Variants in TCAP observed in about 807,000 individuals in gnomAD.
TCAP encodes telethonin.
In TCAP, 14 loss-of-function variants were observed where a neutral mutation model predicts 16.6. The observed-to-expected ratio is 0.84, with a 90% CI of 0.56 to 1.32. The LOEUF is 1.32. TCAP is among the 40% of genes most tolerant of loss of function. The pLI is 0.00. For synonymous variants in TCAP, 97 were observed against 93.2 expected (o/e 1.04, Z -0.23); for missense variants, 212 against 223.5 (o/e 0.95, Z 0.33).
At position 39,666,015 on chromosome 17, in the gene TCAP, C is replaced by A. The variant is rs773317399; in HGVS notation, c.410C>A (p.Thr137Lys). The A allele has an allele frequency of 5.0e-6, 8 of 1,611,680 alleles. No individual in the cohort carries two copies. The South Asian group carries it at 8.8e-5, about 18-fold the overall frequency. ...CVDRQEVAEITKQLPPVVPVS... is the reference protein window; with the variant it reads ...CVDRQEVAEIKKQLPPVVPVS... ...GACCGCCAGGAGGTGGCTGAGATCA[C>A]AAAGCAGCTGCCCCCTGTGGTGCCT... Residue 137 changes from threonine (T) to lysine (K), a missense_variant, in exon 2 of 2, where the codon ACA becomes AAA. By Grantham distance (78) the Thr-to-Lys change is moderately conservative. Coordinates refer to ENST00000309889, the MANE Select transcript of TCAP (RefSeq NM_003673.4).
chr17:39,665,542 T>C (rs2057248303), intron 1 of TCAP, 73 bp downstream of exon 1: 3 of 1,521,864 alleles, frequency 2.0e-6, no homozygotes, highest in Non-Finnish European at 2.7e-6. Flanking sequence ...GGCCAGAGCA[T>C]GAAGCCCTGG....
At position 39,666,266 on chromosome 17, in the gene TCAP, C is replaced by T; in HGVS notation, c.*157C>T. 9.9e-7 allele frequency: 1 copy of T among 1,013,614 alleles called. No individual in the cohort carries two copies. Among genetic ancestry groups the T allele is most frequent in the Non-Finnish European group, 1.5e-6 (1 of 681,214 alleles). The allele number at this position is 1,013,614 out of a possible 1,614,324, so 62.8% of individuals were successfully genotyped here. A position where few individuals can be genotyped will look rare whatever the true frequency, so the allele number is the denominator to read the frequency against. The stretch of plus-strand genomic sequence containing the variant: ...CCAGAGGCCAGGATGCCTGAGCCCC[C>T]TGAGTTCCCAAAGGGAGGGTGGCAG... On this transcript the variant is annotated 3_prime_UTR_variant, in exon 2 of 2. Transcript: ENST00000309889.
Position 39,665,828 on chromosome 17 carries a change from G to T in TCAP, c.223G>T (p.Gly75Cys). The T allele has an allele frequency of 1.2e-6, 2 of 1,607,382 alleles. No individual in the cohort carries two copies. Among genetic ancestry groups the T allele is most frequent in the Non-Finnish European group, 8.5e-7 (1 of 1,176,980 alleles). Residue 75 changes from glycine to cysteine, a missense_variant, in exon 2 of 2, where the codon GGC (glycine) becomes TGC (cysteine). Transcript: ENST00000309889. ...GCTGATGATGCGGATGGGCATCCTCGGCCGTGGGCTGCAGGAGTACCAGCT... is the reference window on the plus strand; with the variant it reads ...GCTGATGATGCGGATGGGCATCCTCTGCCGTGGGCTGCAGGAGTACCAGCT... ...PWLMMRMGIL[G>C]RGLQEYQLPY...
rs2145075199 is a variant in TCAP, at chr17:39,666,114, G to A, written c.*5G>A. ...CAGGAAGCACAGAGAGGCTGAGAGGGACTGTGACTTGGGCTCCGCTGTGCC... is the reference window on the plus strand; with the variant it reads ...CAGGAAGCACAGAGAGGCTGAGAGGAACTGTGACTTGGGCTCCGCTGTGCC... On this transcript the variant is annotated 3_prime_UTR_variant, in exon 2 of 2. Coordinates refer to ENST00000309889, the MANE Select transcript of TCAP (RefSeq NM_003673.4). The A allele has an allele frequency of 1.3e-6, 2 of 1,599,472 alleles. No homozygotes were observed. Among genetic ancestry groups the A allele is most frequent in the South Asian group, 2.2e-5 (2 of 91,086 alleles).
Position 39,666,090 on chromosome 17 carries a change from A to G in TCAP, c.485A>G (p.Gln162Arg), listed in dbSNP as rs2145075036. The G allele has an allele frequency of 6.2e-7, 1 of 1,601,044 alleles. No individual in the cohort carries two copies. The highest frequency in any genetic ancestry group is 1.1e-5 in the South Asian group (1 of 91,086). Residue 162 changes from glutamine (Q) to arginine (R), a missense_variant, in exon 2 of 2, where the codon CAG becomes CGG. Gln to Arg is a conservative substitution (Grantham distance 43). Transcript: ENST00000309889. ...CGCTCCCTGTCCCGCTCCATGTCCC[A>G]GGAAGCACAGAGAGGCTGAGAGGGA... ...LRRSLSRSMS[Q>R]EAQRG
chr17:39,665,526 C>T, intron 1 of TCAP, 57 bp downstream of exon 1: 1 of 1,548,962 alleles, frequency 6.5e-7, no homozygotes, highest in Non-Finnish European at 8.9e-7. Flanking sequence ...CCTCACTGAG[C>T]CATGAGGCCA....
rs886043427 is a variant in TCAP, at chr17:39,665,723, C to T, written c.118C>T (p.Leu40=). The T allele has an allele frequency of 1.2e-6, 2 of 1,610,210 alleles. No individual in the cohort carries two copies. Among genetic ancestry groups the T allele is most frequent in the Admixed American group, 3.3e-5 (2 of 59,718 alleles). Reference sequence around the variant, plus strand: ...CCCCTCCCCTCTCCCCAGCTGCTCCCTGCATGAGGAGGACACCCAGAGACA... The same window carrying T: ...CCCCTCCCCTCTCCCCAGCTGCTCCTTGCATGAGGAGGACACCCAGAGACA... ...LSTRPEEGCS[L]HEEDTQRHET... Residue 40 remains leucine (L), a synonymous_variant, in exon 2 of 2, where the codon CTG becomes TTG. Coordinates refer to ENST00000309889, the MANE Select transcript of TCAP (RefSeq NM_003673.4).
At position 39,666,266 on chromosome 17, in the gene TCAP, CT is replaced by C; in HGVS notation, c.*158del. Reference sequence around the variant, plus strand: ...CCAGAGGCCAGGATGCCTGAGCCCCCTGAGTTCCCAAAGGGAGGGTGGCAGA... The same window carrying C: ...CCAGAGGCCAGGATGCCTGAGCCCCCGAGTTCCCAAAGGGAGGGTGGCAGA... On this transcript the variant is annotated 3_prime_UTR_variant, in exon 2 of 2. Coordinates refer to ENST00000309889, the MANE Select transcript of TCAP (RefSeq NM_003673.4). 9.9e-7 allele frequency: 1 copy of C among 1,013,614 alleles called. No individual in the cohort carries two copies. The highest frequency in any genetic ancestry group is 1.5e-6 in the Non-Finnish European group (1 of 681,214). The allele number at this position is 1,013,614 out of a possible 1,614,324, so 62.8% of individuals were successfully genotyped here. A position where few individuals can be genotyped will look rare whatever the true frequency, so the allele number is the denominator to read the frequency against.
chr17:39,666,212 C>T lies in TCAP; in HGVS notation c.*103C>T, dbSNP rs1275732768. 3 of 1,510,678 alleles carry T rather than the reference C, an allele frequency of 2.0e-6. No individual in the cohort carries two copies. In the African/African-American group the frequency reaches 4.1e-5, roughly 21 times the overall value. The allele number at this position is 1,510,678 out of a possible 1,614,324, so 93.6% of individuals were successfully genotyped here. A position where few individuals can be genotyped will look rare whatever the true frequency, so the allele number is the denominator to read the frequency against. On this transcript the variant is annotated 3_prime_UTR_variant, in exon 2 of 2. Coordinates refer to ENST00000309889, the MANE Select transcript of TCAP (RefSeq NM_003673.4). ...TGGCCATGGCTGCTTTGTAGTTTGC[C>T]CAGAGTTGGGGGCTAGGGGAGGGGG...
chr17:39,665,990 G>T lies in TCAP; in HGVS notation c.385G>T (p.Asp129Tyr), dbSNP rs2145074243. The T allele has an allele frequency of 6.2e-7, 1 of 1,612,692 alleles. No individual in the cohort carries two copies. The change falls in exon 2 of 2, where the codon GAC becomes TAC. Residue 129 changes from aspartate (D) to tyrosine (Y), a missense_variant. Coordinates refer to ENST00000309889, the MANE Select transcript of TCAP (RefSeq NM_003673.4). ...LETALGGQCV[D>Y]RQEVAEITKQ... ...GACAGCCCTGGGTGGCCAGTGTGTG[G>T]ACCGCCAGGAGGTGGCTGAGATCAC...
rs2145073640 is a variant in TCAP, at chr17:39,665,848, C to T, written c.243C>T (p.Tyr81=). The stretch of plus-strand genomic sequence containing the variant: ...TCCTCGGCCGTGGGCTGCAGGAGTA[C>T]CAGCTGCCCTACCAGCGGGTACTGC... ...MGILGRGLQE[Y]QLPYQRVLPL... The change falls in exon 2 of 2, where the codon TAC becomes TAT. Residue 81 remains tyrosine (Y), a synonymous_variant. Transcript: ENST00000309889. The T allele has an allele frequency of 6.2e-7, 1 of 1,610,032 alleles. No homozygotes were observed. The highest frequency in any genetic ancestry group is 1.3e-5 in the African/African-American group (1 of 75,006).
intron 1 of TCAP, 116 bp downstream of exon 1, chr17:39,665,585 C>T (rs2057248562): frequency 1.4e-6 from 2 of 1,395,970 alleles, no homozygotes; most frequent in Non-Finnish European, 2.0e-6. Flanking sequence ...AGGAAGAATG[C>T]CCCATGGGGA....
In TCAP at chr17:39,665,410, C is replaced by T. The variant is rs1191028742; in HGVS notation, c.51C>T (p.Arg17=). 7 of 1,613,742 alleles carry T rather than the reference C, an allele frequency of 4.3e-6. No homozygotes were observed. Among genetic ancestry groups the T allele is most frequent in the Admixed American group, 1.7e-5 (1 of 60,018 alleles). Residue 17 remains arginine (R), a synonymous_variant, in exon 1 of 2, where the codon CGC becomes CGT. Coordinates refer to ENST00000309889, the MANE Select transcript of TCAP (RefSeq NM_003673.4). ...SCEVSEENCE[R]REAFWAEWKD... The stretch of plus-strand genomic sequence containing the variant: ...AGGTGTCGGAGGAGAACTGTGAGCG[C>T]CGGGAGGCCTTCTGGGCAGAATGGA...
At position 39,665,764 on chromosome 17, in the gene TCAP, G is replaced by T; in HGVS notation, c.159G>T (p.Gln53His). Residue 53 changes from glutamine to histidine, a missense_variant, in exon 2 of 2, where the codon CAG (glutamine) becomes CAT (histidine). Coordinates refer to ENST00000309889, the MANE Select transcript of TCAP (RefSeq NM_003673.4). ...CCCAGAGACATGAGACCTACCACCAGCAGGGGCAGTGCCAGGTGCTGGTGC... is the reference window on the plus strand; with the variant it reads ...CCCAGAGACATGAGACCTACCACCATCAGGGGCAGTGCCAGGTGCTGGTGC... The part of the protein sequence containing the change: ...EDTQRHETYH[Q>H]QGQCQVLVQR... 6.2e-7 allele frequency: 1 copy of T among 1,610,594 alleles called. No homozygotes were observed.
chr17:39,665,528 A>T (rs1232337114), intron 1 of TCAP, 59 bp downstream of exon 1: 2 of 1,539,262 alleles, frequency 1.3e-6, no homozygotes, highest in East Asian at 2.3e-5. Context: ...TCACTGAGCC[A>T]TGAGGCCAGA....
rs1324156287 is a variant in TCAP, at chr17:39,665,991, A to C, written c.386A>C (p.Asp129Ala). 5 of 1,612,584 alleles carry C rather than the reference A, an allele frequency of 3.1e-6. No individual in the cohort carries two copies. The highest frequency in any genetic ancestry group is 4.2e-6 in the Non-Finnish European group (5 of 1,179,930). The change falls in exon 2 of 2, where the codon GAC becomes GCC. Residue 129 changes from aspartate to alanine, a missense_variant. By Grantham distance (126) the Asp-to-Ala change is moderately radical. Coordinates refer to ENST00000309889, the MANE Select transcript of TCAP (RefSeq NM_003673.4). ...LETALGGQCVDRQEVAEITKQ... is the reference protein window; with the variant it reads ...LETALGGQCVARQEVAEITKQ... Reference sequence around the variant, plus strand: ...ACAGCCCTGGGTGGCCAGTGTGTGGACCGCCAGGAGGTGGCTGAGATCACA... The same window carrying C: ...ACAGCCCTGGGTGGCCAGTGTGTGGCCCGCCAGGAGGTGGCTGAGATCACA...
chr17:39,666,032 G>T lies in TCAP; in HGVS notation c.427G>T (p.Val143Leu), dbSNP rs1336236140. ...TGAGATCACAAAGCAGCTGCCCCCT[G>T]TGGTGCCTGTCAGCAAGCCCGGTGC... The part of the protein sequence containing the change: ...VAEITKQLPP[V>L]VPVSKPGALR... The change falls in exon 2 of 2, where the codon GTG becomes TTG. Residue 143 changes from valine to leucine, a missense_variant. Val to Leu is a conservative substitution (Grantham distance 32). Coordinates refer to ENST00000309889, the MANE Select transcript of TCAP (RefSeq NM_003673.4). The T allele has an allele frequency of 1.2e-6, 2 of 1,610,178 alleles. No individual in the cohort carries two copies. The highest frequency in any genetic ancestry group is 2.2e-5 in the South Asian group (2 of 91,088).
chr17:39,666,474 G>A lies in TCAP; in HGVS notation c.*365G>A, dbSNP rs1264213437. On this transcript the variant is annotated 3_prime_UTR_variant, in exon 2 of 2. Transcript: ENST00000309889. Reference sequence around the variant, plus strand: ...AGAAGAAGCTGGGAGGGAGGGGGAGGTGAAAAGGGCAGAGGCAAGGATGGT... The same window carrying A: ...AGAAGAAGCTGGGAGGGAGGGGGAGATGAAAAGGGCAGAGGCAAGGATGGT... The A allele has an allele frequency of 2.3e-5, 8 of 352,382 alleles. No homozygotes were observed. Among genetic ancestry groups the A allele is most frequent in the African/African-American group, 4.1e-5 (2 of 48,940 alleles). The allele number at this position is 352,382 out of a possible 1,614,324, so 21.8% of individuals were successfully genotyped here.
In TCAP at chr17:39,665,982, A is replaced by G. The variant is rs558480997; in HGVS notation, c.377A>G (p.Gln126Arg). 1.2e-6 allele frequency: 2 copies of G among 1,612,818 alleles called. No homozygotes were observed. Among genetic ancestry groups the G allele is most frequent in the African/African-American group, 2.7e-5 (2 of 75,046 alleles). The change falls in exon 2 of 2, where the codon CAG (glutamine) becomes CGG (arginine). Residue 126 changes from glutamine to arginine, a missense_variant. Transcript: ENST00000309889. Reference sequence around the variant, plus strand: ...GCGCTGGAGACAGCCCTGGGTGGCCAGTGTGTGGACCGCCAGGAGGTGGCT... The same window carrying G: ...GCGCTGGAGACAGCCCTGGGTGGCCGGTGTGTGGACCGCCAGGAGGTGGCT... The part of the protein sequence containing the change: ...LLALETALGG[Q>R]CVDRQEVAEI...
Sources: allele counts gnomAD v4.1 joint callset, GRCh38; gene constraint gnomAD v4.1.1; transcripts MANE v1.5; gene names NCBI Gene and HGNC (gene_info 2026-07-23, HGNC 2026-07-21).